The following WWOX variants were observed in gnomAD, a reference collection of about 807,000 sequenced individuals.
The protein encoded by WWOX is WW domain containing oxidoreductase, also known as WW domain-containing oxidoreductase.
WWOX carries 69 observed loss-of-function variants against 46.2 expected under a neutral mutation model. The ratio of observed to expected loss-of-function variants is 1.49; its 90% CI spans 1.23 to 1.82. The LOEUF is 1.82. Ranked by LOEUF, WWOX falls within the 40% of genes most tolerant of loss-of-function variation. The pLI is 0.00. For missense variants in WWOX, 919 were observed against 542.6 expected, an observed-to-expected ratio of 1.69 and a Z score of -6.89; for synonymous variants, 359 against 202.6, an observed-to-expected ratio of 1.77 and a Z score of -6.56.
chr16:78,380,217 G>A (rs1331537624), intron 5 of WWOX, among the ~76,000 whole-genome samples: 1 of 152,122 alleles, frequency 6.6e-6, no homozygotes, highest in African/African-American at 2.4e-5. Context: ...GGGCTTCTAA[G>A]GGGCAAGGAG....
chr16:78,126,287 G>T (rs946909655), intron 4 of WWOX, among the ~76,000 whole-genome samples: 1 of 152,158 alleles, frequency 6.6e-6, no homozygotes. Flanking sequence ...TGAATGAAGT[G>T]ATTTGCTCCC....
chr16:78,901,918 C>G (rs1597127254), intron 8 of WWOX, among the ~76,000 whole-genome samples: 1 of 152,210 alleles, frequency 6.6e-6, no homozygotes, highest in Non-Finnish European at 1.5e-5. Context: ...GGGCGTCCCT[C>G]CGCACCTCAC....
intron 8 of WWOX, among the ~76,000 whole-genome samples, chr16:78,807,986 C>G (rs1469161809): frequency 6.6e-6 from 1 of 152,094 alleles, no homozygotes; most frequent in Admixed American, 6.5e-5. Flanking sequence ...TCTCCTTTTT[C>G]TTTTTCCATG....
chr16:78,428,950 C>T (rs957900088), intron 7 of WWOX, among the ~76,000 whole-genome samples: 4 of 152,100 alleles, frequency 2.6e-5, no homozygotes, highest in African/African-American at 9.7e-5. Flanking sequence ...ACCTTTAGAG[C>T]AATGCTTGAA....
At chr16:78,905,766 A>G (rs2044946804) in intron 8 of WWOX, among the ~76,000 whole-genome samples, 1 of 152,170 alleles carries the variant, frequency 6.6e-6, no homozygotes, top group Non-Finnish European at 1.5e-5. Flanking sequence ...ATAGTATCCT[A>G]TTTATACAAT....
At chr16:78,492,415 A>G (rs892357748) in intron 8 of WWOX, among the ~76,000 whole-genome samples, 1 of 152,186 alleles carries the variant, frequency 6.6e-6, no homozygotes, top group African/African-American at 2.4e-5. Flanking sequence ...TCATCTGTGG[A>G]TAAAACTGAC....
At chr16:78,185,314 A>G (rs2035663791) in intron 5 of WWOX, among the ~76,000 whole-genome samples, 1 of 152,242 alleles carries the variant, frequency 6.6e-6, no homozygotes, top group Non-Finnish European at 1.5e-5. Context: ...AATATAGAAC[A>G]GGCGTCAAAG....
At chr16:78,653,097 T>C (rs1192995112) in intron 8 of WWOX, among the ~76,000 whole-genome samples, 2 of 152,192 alleles carry the variant, frequency 1.3e-5, no homozygotes, top group South Asian at 2.1e-4. Flanking sequence ...TTCTTTCTTC[T>C]GAGTGATAGC....
intron 6 of WWOX, among the ~76,000 whole-genome samples, chr16:78,387,220 G>C (rs1456090434): frequency 6.6e-6 from 1 of 152,148 alleles, no homozygotes; most frequent in Non-Finnish European, 1.5e-5. Flanking sequence ...ATAAAAGCTT[G>C]GCAATAGTAA....
chr16:78,144,429 C>CTATATATATATACACACATATA (rs2034094318), intron 4 of WWOX, among the ~76,000 whole-genome samples: 1 of 15,400 alleles, frequency 6.5e-5, no homozygotes, highest in African/African-American at 2.7e-4. Context: ...TTTGCCATTA[C>CTATATATATATACACACATATA]TATATATATA....
At chr16:78,359,496 G>A (rs1482819861) in intron 5 of WWOX, among the ~76,000 whole-genome samples, 2 of 152,062 alleles carry the variant, frequency 1.3e-5, no homozygotes, top group Non-Finnish European at 2.9e-5. Context: ...AGAAATCGTT[G>A]AAACACCTTT....
chr16:78,835,672 C>G (rs549312800), intron 8 of WWOX, among the ~76,000 whole-genome samples: 1 of 152,306 alleles, frequency 6.6e-6, no homozygotes, highest in East Asian at 1.9e-4. Context: ...TAAGAACACA[C>G]AGCAGTTCTG....
intron 8 of WWOX, among the ~76,000 whole-genome samples, chr16:79,031,654 T>G (rs189766164): frequency 5.2e-4 from 78 of 151,268 alleles, no homozygotes; most frequent in Admixed American, 4.6e-3. Context: ...AATTTAAAAT[T>G]TATCATTTAA....
intron 8 of WWOX, among the ~76,000 whole-genome samples, chr16:78,931,428 A>G (rs1253730875): frequency 6.6e-6 from 1 of 152,196 alleles, no homozygotes; most frequent in Non-Finnish European, 1.5e-5. Context: ...TCAGCACATA[A>G]AAGTTTGAGC....
At chr16:79,147,671 A>C (rs2050206028) in intron 8 of WWOX, among the ~76,000 whole-genome samples, 1 of 152,210 alleles carries the variant, frequency 6.6e-6, no homozygotes, top group African/African-American at 2.4e-5. Flanking sequence ...GAAACTGTCA[A>C]GCTGTTTCCA....
chr16:79,039,381 C>T (rs544822191), intron 8 of WWOX, among the ~76,000 whole-genome samples: 5 of 152,170 alleles, frequency 3.3e-5, no homozygotes, highest in East Asian at 1.9e-4. Flanking sequence ...AGGCCGAAAA[C>T]GACCCCCTTC....
At chr16:78,788,722 A>C (rs899377544) in intron 8 of WWOX, among the ~76,000 whole-genome samples, 3 of 152,134 alleles carry the variant, frequency 2.0e-5, no homozygotes, top group African/African-American at 7.2e-5. Flanking sequence ...CAAATTAATC[A>C]AACCCAAAGA....
chr16:79,167,295 A>G (rs1243320316), intron 8 of WWOX, among the ~76,000 whole-genome samples: 2 of 152,198 alleles, frequency 1.3e-5, no homozygotes, highest in African/African-American at 2.4e-5. Context: ...AGCAAATATG[A>G]CAAAATGCTA....
At chr16:79,010,058 C>T (rs1336652133) in intron 8 of WWOX, among the ~76,000 whole-genome samples, 2 of 152,186 alleles carry the variant, frequency 1.3e-5, no homozygotes, top group Non-Finnish European at 2.9e-5. Context: ...AGCTGCTATG[C>T]TTGCAAAGGC....
Sources: gnomAD v4.1 joint callset for allele counts (sites outside exome capture counted in the v4.1 genomes callset) on GRCh38, gnomAD v4.1.1 for gene constraint, MANE v1.5 for transcripts, NCBI Gene and HGNC (gene_info 2026-07-23, HGNC 2026-07-21) for gene names.